CPPED1: variants seen among roughly 807,000 people sequenced by gnomAD.
The protein encoded by CPPED1 is calcineurin like phosphoesterase domain containing 1.
A neutral mutation model predicts 28.0 loss-of-function variants in CPPED1; 28 were observed. The observed-to-expected ratio is 1.00, with a 90% confidence interval of 0.74 to 1.37. The LOEUF is 1.37. Among genes scored for constraint, CPPED1 ranks in the 40% most tolerant of loss-of-function variants. The probability of loss-of-function intolerance (pLI) is 0.00; values close to 1 mark genes in which losing one functional copy is unlikely to be tolerated. For missense variants in CPPED1, 504 were observed against 416.5 expected (o/e 1.21, Z -1.83); for synonymous variants, 198 against 180.2 (o/e 1.10, Z -0.79).
In CPPED1 at chr16:12,670,815, T is replaced by C. The variant is rs1356463175; in HGVS notation, c.716-5700A>G. The stretch of plus-strand genomic sequence containing the variant: ...AGCACATACGATGACTAAATGTAAA[T>C]GATCCATGTGTTTTTATTTTTTTAA... On this transcript the variant is annotated intron_variant, in intron 3 of 3. Transcript: ENST00000381774. This position sits in a 1 kb window ranked among gnomAD's most constrained non-coding sequence, Gnocchi z 4.2. 3.3e-5 allele frequency among the ~76,000 whole-genome samples: 5 copies of C among 152,136 alleles called. No individual in the cohort carries two copies. The highest frequency in any genetic ancestry group is 7.2e-5 in the African/African-American group (3 of 41,424).
rs2141223995 is a variant in CPPED1, at chr16:12,757,524, T to C, written c.289+23661A>G. 2 of 150,606 alleles carry C rather than the reference T, an allele frequency of 1.3e-5. 1 individual carries two copies. Among genetic ancestry groups the C allele is most frequent in the South Asian group, 4.3e-4 (2 of 4,612 alleles). 9.3% of individuals were successfully genotyped at this position (150,606 alleles called of 1,614,324 possible). ...AGATCCTGGGCATCGATATTCCACATGGATCCTGTTTGTACCTCTTGTATT... is the reference window on the plus strand; with the variant it reads ...AGATCCTGGGCATCGATATTCCACACGGATCCTGTTTGTACCTCTTGTATT... On this transcript the variant is annotated intron_variant, in intron 2 of 3. Coordinates refer to ENST00000381774, the MANE Select transcript of CPPED1 (RefSeq NM_018340.3).
chr16:12,744,820 C>A (rs1162532929), intron 2 of CPPED1, among the ~76,000 whole-genome samples: 1 of 152,060 alleles, frequency 6.6e-6, no homozygotes, highest in East Asian at 1.9e-4. Context: ...ACCATCTCCA[C>A]AAAAAATACA....
At chr16:12,680,806 G>A (rs948278500) in intron 3 of CPPED1, among the ~76,000 whole-genome samples, 8 of 152,108 alleles carry the variant, frequency 5.3e-5, no homozygotes, top group African/African-American at 1.9e-4. Context: ...CACTGTGATG[G>A]GTCCACGTGC....
chr16:12,759,860 G>A (rs930504028), intron 2 of CPPED1, among the ~76,000 whole-genome samples: 4 of 152,198 alleles, frequency 2.6e-5, no homozygotes, highest in Non-Finnish European at 5.9e-5. Context: ...AATTAAACCC[G>A]TATCAGGTGG....
chr16:12,796,897 T>C (rs1318881284), intron 1 of CPPED1, among the ~76,000 whole-genome samples: 2 of 152,112 alleles, frequency 1.3e-5, no homozygotes, highest in Non-Finnish European at 2.9e-5. Context: ...CAAAATGGGT[T>C]ATCTATACAA....
intron 2 of CPPED1, among the ~76,000 whole-genome samples, chr16:12,719,114 T>C (rs1371103377): frequency 6.6e-6 from 1 of 151,850 alleles, no homozygotes; most frequent in African/African-American, 2.4e-5. Flanking sequence ...TCAGATCTCC[T>C]GAGACTTATT....
intron 3 of CPPED1, among the ~76,000 whole-genome samples, chr16:12,688,098 T>C (rs1346637737): frequency 6.6e-6 from 1 of 150,976 alleles, no homozygotes; most frequent in Non-Finnish European, 1.5e-5. Context: ...GGTGCGATCA[T>C]GGTTTACTGC....
chr16:12,779,782 C>G (rs1047711916), intron 2 of CPPED1, among the ~76,000 whole-genome samples: 13 of 152,098 alleles, frequency 8.5e-5, no homozygotes, highest in African/African-American at 2.9e-4. Context: ...CAGGGTACCT[C>G]GGCTTCTAAA....
Position 12,662,216 on chromosome 16 carries a change from TA to T in CPPED1, c.*2669del, listed in dbSNP as rs1472940916. 6.6e-6 allele frequency: 1 copy of T among 152,206 alleles called. No individual in the cohort carries two copies. The highest frequency in any genetic ancestry group is 1.5e-5 in the Non-Finnish European group (1 of 68,034). The allele number at this position is 152,206 out of a possible 1,614,324, so 9.4% of individuals were successfully genotyped here. ...ATTTTTTGATATCATTCTCTTTTTT[TA>T]AAGGCAAAGGAATTACAAGTGAACA... On this transcript the variant is annotated 3_prime_UTR_variant, in exon 4 of 4. Coordinates refer to ENST00000381774, the MANE Select transcript of CPPED1 (RefSeq NM_018340.3).
chr16:12,759,518 T>C (rs1347901090), intron 2 of CPPED1: 2 of 152,282 alleles, frequency 1.3e-5, no homozygotes, highest in Non-Finnish European at 2.9e-5. Flanking sequence ...AGGTGGTTTA[T>C]ACCACAAAGC....
At chr16:12,668,178 C>A (rs564447987) in intron 3 of CPPED1, among the ~76,000 whole-genome samples, 1 of 152,062 alleles carries the variant, frequency 6.6e-6, no homozygotes, top group Non-Finnish European at 1.5e-5. Context: ...TAAAAGTTTA[C>A]CACGTCTAAA....
intron 3 of CPPED1, among the ~76,000 whole-genome samples, chr16:12,681,125 C>A (rs566939125): frequency 6.6e-6 from 1 of 150,718 alleles, no homozygotes; most frequent in African/African-American, 2.5e-5. Flanking sequence ...CCCCGACCCC[C>A]GTTTCCCCCC....
rs1192281446 is a variant in CPPED1 at position 12,803,884 on chromosome 16, T to TCTCGGGGCCGGA, written c.-109_-108insTCCGGCCCCGAG. On this transcript the variant is annotated 5_prime_UTR_variant, in exon 1 of 4. Coordinates refer to ENST00000381774, the MANE Select transcript of CPPED1 (RefSeq NM_018340.3). ...TCCCGCTTTGGGCGACGCCCTTTGA[T>TCTCGGGGCCGGA]CTCGGGGCGGGACTGGGGCGGGACG... is the stretch of plus-strand genomic sequence containing the variant. 12 of 860,866 alleles carry TCTCGGGGCCGGA rather than the reference T, an allele frequency of 1.4e-5. No homozygotes were observed. The highest frequency in any genetic ancestry group is 3.6e-5 in the African/African-American group (2 of 56,316). The allele number at this position is 860,866 out of a possible 1,614,324, so 53.3% of individuals were successfully genotyped here. A position where few individuals can be genotyped will look rare whatever the true frequency, so the allele number is the denominator to read the frequency against.
chr16:12,789,449 T>C (rs968226128), intron 1 of CPPED1, among the ~76,000 whole-genome samples: 1 of 152,062 alleles, frequency 6.6e-6, no homozygotes, highest in Non-Finnish European at 1.5e-5. Flanking sequence ...GAAATTACTA[T>C]AGAGAAGACA....
intron 3 of CPPED1, among the ~76,000 whole-genome samples, chr16:12,686,051 C>T (rs975618442): frequency 1.2e-4 from 18 of 151,892 alleles, no homozygotes; most frequent in Non-Finnish European, 2.4e-4. Flanking sequence ...ACCCGTGGCC[C>T]TCTGTCCACA....
At chr16:12,745,947 A>G (rs1400360311) in intron 2 of CPPED1, 2 of 152,248 alleles carry the variant, frequency 1.3e-5, no homozygotes, top group South Asian at 4.1e-4. Context: ...AAAAGCAGCC[A>G]GACAGAAAAA....
intron 2 of CPPED1, among the ~76,000 whole-genome samples, chr16:12,706,331 T>C (rs1367023959): frequency 1.3e-5 from 2 of 151,696 alleles, no homozygotes; most frequent in African/African-American, 4.8e-5. Context: ...AGTCTTACAC[T>C]TGGTTTAAAA....
chr16:12,751,355 A>G (rs1386101370), intron 2 of CPPED1, among the ~76,000 whole-genome samples: 1 of 152,236 alleles, frequency 6.6e-6, no homozygotes, highest in Non-Finnish European at 1.5e-5. Flanking sequence ...TGATATGAAG[A>G]AAGTTTTAGT....
intron 3 of CPPED1, among the ~76,000 whole-genome samples, chr16:12,687,720 T>C (rs564053811): frequency 1.2e-4 from 19 of 152,238 alleles, no homozygotes; most frequent in African/African-American, 4.6e-4. Flanking sequence ...CTGACTGGAA[T>C]AGAGGAAAGA....
Sources: allele counts gnomAD v4.1 joint callset (sites outside exome capture counted in the v4.1 genomes callset), GRCh38; gene constraint gnomAD v4.1.1; non-coding constraint Gnocchi (gnomAD v3.1); transcripts MANE v1.5; gene names NCBI Gene and HGNC (gene_info 2026-07-23, HGNC 2026-07-21).